Variants in SLC26A4 observed in about 807,000 individuals in gnomAD.
SLC26A4 encodes pendrin.
A neutral mutation model predicts 90.4 loss-of-function variants in SLC26A4; 93 were observed. That is an observed-to-expected ratio of 1.03 (90% CI 0.87 to 1.22). SLC26A4 has a LOEUF of 1.22. Ranked by LOEUF, SLC26A4 falls within the 50% of genes most tolerant of loss-of-function variation. SLC26A4 has a pLI of 0.00. For synonymous variants in SLC26A4, 393 were observed against 354.6 expected (o/e 1.11, Z -1.22); for missense variants, 1,127 against 946.2 (o/e 1.19, Z -2.51).
At chr7:107,711,638 A>C (rs908098560) in intron 19 of SLC26A4, among the ~76,000 whole-genome samples, 3 of 152,226 alleles carry the variant, frequency 2.0e-5, no homozygotes, top group Non-Finnish European at 2.9e-5. Flanking sequence ...AGAGTCTAGC[A>C]CAAAGCTTTA....
intron 3 of SLC26A4, among the ~76,000 whole-genome samples, chr7:107,671,540 G>A (rs1049033383): frequency 2.0e-5 from 3 of 152,174 alleles, no homozygotes; most frequent in Non-Finnish European, 4.4e-5. Context: ...GATCAACTGA[G>A]TCCATTCATT....
At chr7:107,691,546 AAC>A (rs1791579124) in intron 10 of SLC26A4, among the ~76,000 whole-genome samples, 1 of 31,948 alleles carries the variant, frequency 3.1e-5, no homozygotes, top group Non-Finnish European at 6.5e-5. Context: ...CACACACACA[AAC>A]ATATATATAT....
chr7:107,679,982 T>C (rs1390419935), intron 6 of SLC26A4, among the ~76,000 whole-genome samples: 3 of 136,588 alleles, frequency 2.2e-5, no homozygotes, highest in Middle Eastern at 0.012. Flanking sequence ...AATATAATCT[T>C]ATTATATAAT....
At chr7:107,672,947 G>A (rs1217872224) in intron 4 of SLC26A4, among the ~76,000 whole-genome samples, 1 of 152,184 alleles carries the variant, frequency 6.6e-6, no homozygotes, top group Non-Finnish European at 1.5e-5. Context: ...GGCTAGACAT[G>A]TCTACCTCGA....
intron 19 of SLC26A4, among the ~76,000 whole-genome samples, chr7:107,710,524 G>A (rs1265339493): frequency 6.6e-6 from 1 of 152,144 alleles, no homozygotes; most frequent in Non-Finnish European, 1.5e-5. Context: ...TTTGTGATCT[G>A]GGATTTGTGT....
At position 107,675,075 on chromosome 7, in the gene SLC26A4, C is replaced by T. The variant is rs576711020; in HGVS notation, c.731C>T (p.Thr244Ile). ...SQLKIVLNVSTKNYNGVLSII... is the reference protein window; with the variant it reads ...SQLKIVLNVSIKNYNGVLSII... ...CTAAAGATTGTCCTCAATGTTTCAA[C>T]CAAAAACTACAATGGAGTTCTCTCT... is the stretch of plus-strand genomic sequence containing the variant. Residue 244 changes from threonine to isoleucine, a missense_variant, in exon 6 of 21, where the codon ACC (threonine) becomes ATC (isoleucine). Transcript: ENST00000644269. 6.2e-7 allele frequency: 1 copy of T among 1,613,872 alleles called. No homozygotes were observed. The highest frequency in any genetic ancestry group is 1.1e-5 in the South Asian group (1 of 91,080).
chr7:107,704,831 C>T (rs1791997530), intron 18 of SLC26A4, among the ~76,000 whole-genome samples: 1 of 152,212 alleles, frequency 6.6e-6, no homozygotes, highest in Admixed American at 6.5e-5. Flanking sequence ...GCTATTACCT[C>T]TCTCTCCTGA....
Position 107,675,081 on chromosome 7 carries a change from A to T in SLC26A4, c.737A>T (p.Asn246Ile), listed in dbSNP as rs1172825734. Residue 246 changes from asparagine to isoleucine, a missense_variant, in exon 6 of 21, where the codon AAC becomes ATC. By Grantham distance (149) the Asn-to-Ile change is moderately radical. Transcript: ENST00000644269. ...ATTGTCCTCAATGTTTCAACCAAAA[A>T]CTACAATGGAGTTCTCTCTATTATC... ...LKIVLNVSTK[N>I]YNGVLSIIYT... 6.2e-7 allele frequency: 1 copy of T among 1,614,022 alleles called. No homozygotes were observed. The highest frequency in any genetic ancestry group is 8.5e-7 in the Non-Finnish European group (1 of 1,179,998).
intron 8 of SLC26A4, among the ~76,000 whole-genome samples, chr7:107,685,310 C>A (rs914324498): frequency 6.6e-6 from 1 of 152,082 alleles, no homozygotes; most frequent in Admixed American, 6.6e-5. Context: ...AGAAGCAATT[C>A]TGATGATATT....
At position 107,675,093 on chromosome 7, in the gene SLC26A4, T is replaced by C. The variant is rs1790985775; in HGVS notation, c.749T>C (p.Val250Ala). 4 of 1,610,976 alleles carry C rather than the reference T, an allele frequency of 2.5e-6. No individual in the cohort carries two copies. Residue 250 changes from valine (V) to alanine (A), a missense_variant, in exon 6 of 21, where the codon GTT becomes GCT. Physicochemically the swap from Val to Ala is moderately conservative, Grantham distance 64. Coordinates refer to ENST00000644269, the MANE Select transcript of SLC26A4 (RefSeq NM_000441.2). ...GTTTCAACCAAAAACTACAATGGAG[T>C]TCTCTCTATTATCTATGTAAGTGTT... ...LNVSTKNYNG[V>A]LSIIYTLVEI...
At chr7:107,701,669 C>G (rs1584336808) in intron 16 of SLC26A4, among the ~76,000 whole-genome samples, 158 bp from the exon 17 acceptor site, 1 of 152,158 alleles carries the variant, frequency 6.6e-6, no homozygotes, top group South Asian at 2.1e-4. Context: ...TAGACAACAT[C>G]AAAGTTTGGG....
In SLC26A4 at chr7:107,715,866, T is replaced by G. The variant is rs542370813; in HGVS notation, c.*420T>G. ...TATCCATGAGCTGCACTGATCACCA[T>G]GTAAGGTCACATTTAGTAAATGCTG... On this transcript the variant is annotated 3_prime_UTR_variant, in exon 21 of 21. Transcript: ENST00000644269. The G allele has an allele frequency of 2.3e-5, 4 of 177,592 alleles. No homozygotes were observed. The highest frequency in any genetic ancestry group is 3.6e-5 in the Non-Finnish European group (3 of 83,444). 11.0% of individuals were successfully genotyped at this position (177,592 alleles called of 1,614,324 possible).
intron 3 of SLC26A4, among the ~76,000 whole-genome samples, chr7:107,670,272 C>T (rs1009216530): frequency 5.1e-4 from 77 of 152,060 alleles, no homozygotes; most frequent in African/African-American, 1.8e-3. Context: ...CCATGCCTGG[C>T]TAATTTTTGT....
chr7:107,699,694 T>A (rs1054285892), intron 14 of SLC26A4, among the ~76,000 whole-genome samples: 1 of 152,044 alleles, frequency 6.6e-6, no homozygotes, highest in African/African-American at 2.4e-5. Flanking sequence ...TTTGGGAGGC[T>A]GAGGCGGGTG....
intron 20 of SLC26A4, among the ~76,000 whole-genome samples, chr7:107,714,474 A>G (rs895681952): frequency 9.2e-5 from 14 of 152,190 alleles, no homozygotes; most frequent in Admixed American, 9.2e-4. Flanking sequence ...CAGCTTAGTG[A>G]GCCCAGGAAA....
intron 20 of SLC26A4, 54 bp downstream of exon 20, chr7:107,712,676 A>G: frequency 1.1e-6 from 1 of 934,520 alleles, no homozygotes; most frequent in South Asian, 1.3e-5. Context: ...GAATAATTAG[A>G]GTAATACAAA....
Position 107,689,036 on chromosome 7 carries a change from ACTT to A in SLC26A4, c.1002-16_1002-14del. ...TGGTCAAATCTTCACAGCATTTTTC[ACTT>A]AAAAACTCACTAGGTTTTTGCCTCC... is the stretch of plus-strand genomic sequence containing the variant. On this transcript the variant is annotated splice_polypyrimidine_tract_variant and intron_variant, in intron 8 of 20. Transcript: ENST00000644269. The A allele has an allele frequency of 6.2e-7, 1 of 1,613,662 alleles. No individual in the cohort carries two copies. Among genetic ancestry groups the A allele is most frequent in the Non-Finnish European group, 8.5e-7 (1 of 1,179,648 alleles).
rs758823761 is a variant in SLC26A4, at chr7:107,700,081, A to G, written c.1615-2A>G. 2.7e-6 allele frequency: 4 copies of G among 1,485,960 alleles called. No homozygotes were observed. Among genetic ancestry groups the G allele is most frequent in the Admixed American group, 1.7e-5 (1 of 59,850 alleles). The allele number at this position is 1,485,960 out of a possible 1,614,324, so 92.0% of individuals were successfully genotyped here. A position where few individuals can be genotyped will look rare whatever the true frequency, so the allele number is the denominator to read the frequency against. The stretch of plus-strand genomic sequence containing the variant: ...ATCCCAGACAATTTCTTTTAATGCC[A>G]GATTGAAGAACCTCAAGGAGTGAAG... On this transcript the variant is annotated splice_acceptor_variant, in intron 14 of 20. Coordinates refer to ENST00000644269, the MANE Select transcript of SLC26A4 (RefSeq NM_000441.2). LOFTEE classifies it high-confidence loss of function.
At position 107,695,970 on chromosome 7, in the gene SLC26A4, TG is replaced by T. The variant is rs1791730905; in HGVS notation, c.1479del (p.Leu494TrpfsTer6). ...WVFTCIVSII[L>X]GLDLGLLAGL... ...TTTACGTGTATAGTGTCCATCATTC[TG>T]GGGCTGGATCTCGGTTTACTAGCTG... On this transcript the variant is annotated frameshift_variant, in exon 13 of 21. Coordinates refer to ENST00000644269, the MANE Select transcript of SLC26A4 (RefSeq NM_000441.2). LOFTEE classifies it high-confidence loss of function. 1 of 1,612,370 alleles carries T rather than the reference TG, an allele frequency of 6.2e-7. No individual in the cohort carries two copies. The highest frequency in any genetic ancestry group is 1.3e-5 in the African/African-American group (1 of 74,862).
Sources: allele counts gnomAD v4.1 joint callset (sites outside exome capture counted in the v4.1 genomes callset), GRCh38; gene constraint gnomAD v4.1.1; transcripts MANE v1.5; gene names NCBI Gene and HGNC (gene_info 2026-07-23, HGNC 2026-07-21).